Variants in TCF12 observed in about 807,000 individuals in gnomAD.
The protein encoded by TCF12 is DNA-binding protein HTF4.
In TCF12, 45 loss-of-function variants were observed where a neutral mutation model predicts 86.0. The ratio of observed to expected loss-of-function variants is 0.52; its 90% confidence interval spans 0.41 to 0.67. The LOEUF (loss-of-function observed/expected upper bound fraction) is 0.67. TCF12 is among the 30% of genes least tolerant of loss of function. The pLI is 0.00. For missense variants in TCF12, 881 were observed against 859.9 expected, an observed-to-expected ratio of 1.02 and a Z score of -0.31; for synonymous variants, 330 against 299.6, an observed-to-expected ratio of 1.10 and a Z score of -1.05.
chr15:57,118,587 C>A (rs1266547512), intron 5 of TCF12, among the ~76,000 whole-genome samples: 3 of 152,090 alleles, frequency 2.0e-5, no homozygotes, highest in African/African-American at 7.2e-5. Context: ...AAAATTTTTA[C>A]CATTTTTCAG....
intron 3 of TCF12, among the ~76,000 whole-genome samples, chr15:57,021,272 G>A (rs1293351667): frequency 3.3e-5 from 5 of 152,148 alleles, no homozygotes; most frequent in African/African-American, 9.7e-5. Context: ...TTCTAGCTTC[G>A]AGGGCCAACC....
intron 3 of TCF12, among the ~76,000 whole-genome samples, chr15:56,974,511 C>T (rs1378995518): frequency 6.6e-6 from 1 of 151,946 alleles, no homozygotes; most frequent in Non-Finnish European, 1.5e-5. Context: ...AATGAAACTG[C>T]ATATGTTTTT....
intron 6 of TCF12, among the ~76,000 whole-genome samples, chr15:57,189,770 A>G (rs2056883386): frequency 6.6e-6 from 1 of 152,348 alleles, no homozygotes. Flanking sequence ...AATTACTCAA[A>G]TACTTGTACA....
chr15:57,245,683 A>G (rs1416608965), intron 13 of TCF12, among the ~76,000 whole-genome samples: 1 of 152,232 alleles, frequency 6.6e-6, no homozygotes, highest in African/African-American at 2.4e-5. Context: ...AGTGGTCACA[A>G]GTAAAATCTT....
chr15:57,144,689 C>T (rs1201798851), intron 5 of TCF12, among the ~76,000 whole-genome samples: 1 of 152,178 alleles, frequency 6.6e-6, no homozygotes, highest in East Asian at 1.9e-4. Context: ...ACCTCCGCCT[C>T]CTGAGCCCAA....
intron 6 of TCF12, among the ~76,000 whole-genome samples, chr15:57,175,617 A>G (rs2055855086): frequency 6.6e-6 from 1 of 152,218 alleles, no homozygotes; most frequent in African/African-American, 2.4e-5. Flanking sequence ...AACAAACCTA[A>G]TAGTAGCCTC....
At chr15:57,055,936 A>G (rs550185724) in intron 3 of TCF12, among the ~76,000 whole-genome samples, 2 of 152,126 alleles carry the variant, frequency 1.3e-5, no homozygotes, top group Non-Finnish European at 2.9e-5. Context: ...TCTTTTAAAT[A>G]TCTTCCCTTA....
At chr15:56,968,854 A>G (rs946925852) in intron 3 of TCF12, among the ~76,000 whole-genome samples, 1 of 152,160 alleles carries the variant, frequency 6.6e-6, no homozygotes, top group African/African-American at 2.4e-5. Context: ...TATGTGTAAG[A>G]TGTACATTGG....
At chr15:57,278,728 C>CCCT (rs1567041465) in intron 19 of TCF12, 2 of 80,806 alleles carry the variant, frequency 2.5e-5, no homozygotes, top group East Asian at 6.1e-4. Context: ...CTCCCTCCCT[C>CCCT]CCCTCTCTCT....
chr15:56,974,356 T>C (rs1490629500), intron 3 of TCF12, among the ~76,000 whole-genome samples: 2 of 152,074 alleles, frequency 1.3e-5, no homozygotes, highest in African/African-American at 4.8e-5. Flanking sequence ...CAGGATAAAG[T>C]AATTGTGGTA....
chr15:56,977,727 T>A lies in TCF12; in HGVS notation c.148+56629T>A, dbSNP rs187534992. Among the ~76,000 whole-genome samples the A allele has an allele frequency of 2.0e-4, 31 of 152,314 alleles. No homozygotes were observed. The East Asian group carries it at 5.6e-3, about 27-fold the overall frequency. ...GGAAAAAGTAATCTGTTTTTGGCAATTGAGTATTGGCTAAACGTTAGAAAT... is the reference window on the plus strand; with the variant it reads ...GGAAAAAGTAATCTGTTTTTGGCAAATGAGTATTGGCTAAACGTTAGAAAT... On this transcript the variant is annotated intron_variant, in intron 3 of 20. Transcript: ENST00000333725.
In TCF12 at chr15:57,116,799, A is replaced by G. The variant is rs578095186; in HGVS notation, c.325+24908A>G. Among the ~76,000 whole-genome samples, 25 of 152,162 alleles carry G rather than the reference A, an allele frequency of 1.6e-4. No homozygotes were observed. The South Asian group carries it at 5.2e-3, about 32-fold the overall frequency. ...GTCACTTATAATGCTTCGTTATTTT[A>G]TTTTTCTCTATATAATTTAATAGCT... is the stretch of plus-strand genomic sequence containing the variant. On this transcript the variant is annotated intron_variant, in intron 5 of 20. Transcript: ENST00000333725.
chr15:57,135,915 G>A (rs185901517), intron 5 of TCF12, among the ~76,000 whole-genome samples: 259 of 148,562 alleles, frequency 1.7e-3, no homozygotes, highest in African/African-American at 6.1e-3. Flanking sequence ...TGTTAGAGGG[G>A]GAAAAAATCT....
At chr15:57,047,021 G>A (rs182633351) in intron 3 of TCF12, among the ~76,000 whole-genome samples, 8 of 152,234 alleles carry the variant, frequency 5.3e-5, no homozygotes, top group South Asian at 2.1e-4. Context: ...TCTAAACTAC[G>A]CCTTTCGTCT....
intron 3 of TCF12, among the ~76,000 whole-genome samples, chr15:56,981,592 A>G (rs2062895554): frequency 6.6e-6 from 1 of 152,210 alleles, no homozygotes; most frequent in Non-Finnish European, 1.5e-5. Flanking sequence ...ACACTTATAT[A>G]CAATTGGTCT....
intron 5 of TCF12, among the ~76,000 whole-genome samples, chr15:57,102,136 A>C (rs1354736318): frequency 1.3e-5 from 2 of 149,034 alleles, no homozygotes; most frequent in East Asian, 3.9e-4. Context: ...AACTACTTAC[A>C]TGGTTAAATA....
intron 3 of TCF12, among the ~76,000 whole-genome samples, chr15:56,985,682 T>A (rs1053225699): frequency 7.9e-5 from 12 of 152,198 alleles, no homozygotes; most frequent in East Asian, 5.8e-4. Flanking sequence ...TTAGAGTATA[T>A]CATTATTTAC....
chr15:57,113,432 G>C (rs1160982754), intron 5 of TCF12, among the ~76,000 whole-genome samples: 1 of 152,078 alleles, frequency 6.6e-6, no homozygotes, highest in African/African-American at 2.4e-5. Flanking sequence ...AGGTCTCCTT[G>C]TTATTTATAT....
At chr15:57,266,578 A>G (rs1378369969) in intron 18 of TCF12, among the ~76,000 whole-genome samples, 2 of 152,222 alleles carry the variant, frequency 1.3e-5, no homozygotes, top group Non-Finnish European at 2.9e-5. Context: ...TAATTTGAGA[A>G]AAGTATGAAA....
Sources: gnomAD v4.1 joint callset for allele counts (sites outside exome capture counted in the v4.1 genomes callset) on GRCh38, gnomAD v4.1.1 for gene constraint, MANE v1.5 for transcripts, NCBI Gene and HGNC (gene_info 2026-07-23, HGNC 2026-07-21) for gene names.